The following TJP2 variants were observed in gnomAD, a reference collection of about 807,000 sequenced individuals.
TJP2 encodes the protein Friedreich ataxia region gene X104 (tight junction protein ZO-2).
In TJP2, 91 loss-of-function variants were observed where a neutral mutation model predicts 133.1. That is an observed-to-expected ratio of 0.68 (90% CI 0.58 to 0.81). TJP2 has a LOEUF of 0.81. Among genes scored for constraint, TJP2 ranks in the 40% least tolerant of loss-of-function variants. The pLI, the probability that TJP2 is intolerant of heterozygous loss-of-function variation, is 0.00. For synonymous variants in TJP2, 592 were observed against 583.4 expected (o/e 1.01, Z -0.21); for missense variants, 1,541 against 1,565.6 (o/e 0.98, Z 0.26).
chr9:69,212,646 T>C (rs759904587), intron 2 of TJP2, 45 bp downstream of exon 2: 2 of 1,493,014 alleles, frequency 1.3e-6, no homozygotes, highest in Non-Finnish European at 1.9e-6. Flanking sequence ...TGTTCTTGAT[T>C]TTACGGATCA....
At chr9:69,177,106 A>G (rs191176596) in intron 1 of TJP2, among the ~76,000 whole-genome samples, 26 of 152,288 alleles carry the variant, frequency 1.7e-4, no homozygotes, top group Non-Finnish European at 3.4e-4. Context: ...GTGGCTACAG[A>G]TGAATTTATC....
chr9:69,129,170 C>G (rs1314898778), intron 1 of TJP2, among the ~76,000 whole-genome samples: 3 of 152,190 alleles, frequency 2.0e-5, no homozygotes, highest in Non-Finnish European at 4.4e-5. Context: ...TACATACACA[C>G]AAACGGACTA....
At chr9:69,122,151 C>G (rs1374528951) in intron 1 of TJP2, 1 of 152,310 alleles carries the variant, frequency 6.6e-6, no homozygotes, top group Admixed American at 6.5e-5. Flanking sequence ...CACCCTTTCA[C>G]TCAAGGGATG....
intron 2 of TJP2, among the ~76,000 whole-genome samples, chr9:69,155,965 G>A (rs150185226): frequency 1.3e-5 from 2 of 152,316 alleles, no homozygotes; most frequent in Admixed American, 6.5e-5. Context: ...AAAAGAGTCT[G>A]GAGATGCTGC....
At chr9:69,222,409 G>A (rs1251623743) in intron 5 of TJP2, among the ~76,000 whole-genome samples, 1 of 152,026 alleles carries the variant, frequency 6.6e-6, no homozygotes, top group Admixed American at 6.6e-5. Context: ...CAGGTGATCT[G>A]CCCACCTTGG....
chr9:69,186,752 G>A (rs908705677), intron 1 of TJP2, among the ~76,000 whole-genome samples: 2 of 152,198 alleles, frequency 1.3e-5, no homozygotes, highest in African/African-American at 4.8e-5. Flanking sequence ...TGTTACAGCT[G>A]GAGGAAGGGA....
At chr9:69,186,060 G>C (rs1011429093) in intron 1 of TJP2, among the ~76,000 whole-genome samples, 1 of 151,974 alleles carries the variant, frequency 6.6e-6, no homozygotes, top group African/African-American at 2.4e-5. Context: ...GAGCCGCCGC[G>C]CCCGGCCAAT....
chr9:69,217,879 A>C (rs1251346333), intron 3 of TJP2, among the ~76,000 whole-genome samples: 1 of 152,152 alleles, frequency 6.6e-6, no homozygotes, highest in Non-Finnish European at 1.5e-5. Context: ...ATATACACCT[A>C]CTTGGAAGGA....
chr9:69,128,953 T>A (rs896889729), intron 1 of TJP2, among the ~76,000 whole-genome samples: 1 of 152,212 alleles, frequency 6.6e-6, no homozygotes, highest in Non-Finnish European at 1.5e-5. Flanking sequence ...ATACTGAAAA[T>A]GTAAATTGAG....
At position 69,254,443 on chromosome 9, in the gene TJP2, G is replaced by A. The variant is rs777062405; in HGVS notation, c.*69G>A. ...GACTAGCCACTCCTGCCAGGCCGCC[G>A]GGATGGTTCTTCTCCAGTTAGAATG... is the stretch of plus-strand genomic sequence containing the variant. On this transcript the variant is annotated 3_prime_UTR_variant, in exon 23 of 23. Coordinates refer to ENST00000377245, the MANE Select transcript of TJP2 (RefSeq NM_004817.4). 92 of 1,597,632 alleles carry A rather than the reference G, an allele frequency of 5.8e-5. No individual in the cohort carries two copies. The highest frequency in any genetic ancestry group is 6.6e-5 in the South Asian group (6 of 90,570).
chr9:69,123,208 C>CTAGTTGGTGTGTGA (rs1451615587), intron 1 of TJP2, among the ~76,000 whole-genome samples: 1 of 102,044 alleles, frequency 9.8e-6, no homozygotes, highest in African/African-American at 3.2e-5. Context: ...CACCAGGACA[C>CTAGTTGGTGTGTGA]TCTACAGCCG....
chr9:69,181,417 T>G (rs555620143), intron 1 of TJP2, among the ~76,000 whole-genome samples: 10 of 152,124 alleles, frequency 6.6e-5, no homozygotes, highest in African/African-American at 2.2e-4. Context: ...CCCTGCTAAT[T>G]TTTTGTATCT....
chr9:69,163,012 G>A (rs1337415981), intron 2 of TJP2, among the ~76,000 whole-genome samples: 1 of 150,562 alleles, frequency 6.6e-6, no homozygotes, highest in Non-Finnish European at 1.5e-5. Context: ...TTTTTAAAAA[G>A]TATCTTTATT....
chr9:69,251,196 G>A lies in TJP2; in HGVS notation c.3153G>A (p.Lys1051=). 1 of 1,614,128 alleles carries A rather than the reference G, an allele frequency of 6.2e-7. No individual in the cohort carries two copies. The highest frequency in any genetic ancestry group is 8.5e-7 in the Non-Finnish European group (1 of 1,180,022). ...AKPTFGRSIL[K]PSTPIPPQEG... ...CTACCTTTGGGCGGTCTATACTGAA[G>A]CCCTCCACTCCCATCCCTCCTCAAG... The change falls in exon 21 of 23, where the codon AAG becomes AAA. Residue 1051 remains lysine (K), a synonymous_variant. Coordinates refer to ENST00000377245, the MANE Select transcript of TJP2 (RefSeq NM_004817.4).
chr9:69,202,559 T>G lies in TJP2; in HGVS notation c.61-9989T>G, dbSNP rs559965950. ...AGAAAACTTACCATAACATAAACAG[T>G]CAATGAACGCATTTTATATGCTATA... On this transcript the variant is annotated intron_variant, in intron 1 of 22. Coordinates refer to ENST00000377245, the MANE Select transcript of TJP2 (RefSeq NM_004817.4). Among the ~76,000 whole-genome samples, 204 of 152,316 alleles carry G rather than the reference T, an allele frequency of 1.3e-3. 1 individual carries two copies. Among genetic ancestry groups the G allele is most frequent in the African/African-American group, 4.7e-3 (196 of 41,562 alleles).
intron 4 of TJP2, among the ~76,000 whole-genome samples, chr9:69,218,701 G>A (rs1377847203): frequency 1.3e-5 from 2 of 152,142 alleles, no homozygotes; most frequent in Non-Finnish European, 2.9e-5. Flanking sequence ...ACTTGTAAAG[G>A]CCCAAGCAAG....
intron 10 of TJP2, among the ~76,000 whole-genome samples, 167 bp downstream of exon 10, chr9:69,229,417 TG>T (rs1201887509): frequency 5.9e-5 from 9 of 152,198 alleles, no homozygotes; most frequent in African/African-American, 1.9e-4. Context: ...GAATGATTTG[TG>T]GGAACAGCAA....
intron 1 of TJP2, among the ~76,000 whole-genome samples, chr9:69,137,732 C>G (rs1822840586): frequency 6.6e-6 from 1 of 151,986 alleles, no homozygotes; most frequent in East Asian, 1.9e-4. Context: ...TCTTCAAGGT[C>G]TTTGAATCTC....
chr9:69,249,098 T>C (rs1831141500), intron 19 of TJP2: 1 of 1,214,482 alleles, frequency 8.2e-7, no homozygotes, highest in Non-Finnish European at 1.0e-6. Context: ...CAAATGCCTA[T>C]AGACATGGAT....
Sources: allele counts gnomAD v4.1 joint callset (sites outside exome capture counted in the v4.1 genomes callset), GRCh38; gene constraint gnomAD v4.1.1; transcripts MANE v1.5; gene names NCBI Gene and HGNC (gene_info 2026-07-23, HGNC 2026-07-21).